Variants in SLC35F4 observed in about 807,000 individuals in gnomAD.
The protein encoded by SLC35F4 is chromosome 14 open reading frame 36.
A neutral mutation model predicts 44.2 loss-of-function variants in SLC35F4; 24 were observed. The observed-to-expected ratio is 0.54, with a 90% CI of 0.39 to 0.76. SLC35F4 has a LOEUF of 0.76. Ranked by LOEUF, SLC35F4 falls within the 30% of genes least tolerant of loss-of-function variation. SLC35F4 has a pLI of 0.00. For synonymous variants in SLC35F4, 238 were observed against 223.6 expected, an observed-to-expected ratio of 1.06 and a Z score of -0.57; for missense variants, 562 against 586.1, an observed-to-expected ratio of 0.96 and a Z score of 0.42.
At chr14:57,631,493 G>A (rs2072771052) in intron 1 of SLC35F4, among the ~76,000 whole-genome samples, 1 of 152,088 alleles carries the variant, frequency 6.6e-6, no homozygotes, top group African/African-American at 2.4e-5. Context: ...CGTGCATAGT[G>A]TAAAAGAACT....
chr14:57,685,107 GC>G (rs1331098915), intron 1 of SLC35F4, among the ~76,000 whole-genome samples: 1 of 152,070 alleles, frequency 6.6e-6, no homozygotes, highest in Non-Finnish European at 1.5e-5. Flanking sequence ...TTTTATCAAT[GC>G]CAGAAGAAGC....
intron 1 of SLC35F4, among the ~76,000 whole-genome samples, chr14:57,925,358 A>G (rs2474016): frequency 0.2 from 30,529 of 151,852 alleles, 3,231 homozygotes; most frequent in East Asian, 0.27. Flanking sequence ...CCAAATAATG[A>G]AGAGTTTTTT....
chr14:57,668,119 G>A lies in SLC35F4; in HGVS notation c.104-73995C>T, dbSNP rs35968546. ...GCATTTTTTCATGTGTCTGTTGGCT[G>A]CATAAATGTCTTCTTTTGAGAAGTG... is the stretch of plus-strand genomic sequence containing the variant. On this transcript the variant is annotated intron_variant, in intron 1 of 7. Transcript: ENST00000556826. 6.3e-3 allele frequency among the ~76,000 whole-genome samples: 947 copies of A among 150,890 alleles called. 7 individuals are homozygous for A. Among genetic ancestry groups the A allele is most frequent in the Admixed American group, 0.011 (165 of 15,168 alleles).
rs114205682 is a variant in SLC35F4, at chr14:57,652,860, G to A, written c.104-58736C>T. Among the ~76,000 whole-genome samples the A allele has an allele frequency of 9.0e-3, 1,369 of 152,330 alleles. 11 individuals carry two copies. Among genetic ancestry groups the A allele is most frequent in the Middle Eastern group, 0.031 (9 of 294 alleles). On this transcript the variant is annotated intron_variant, in intron 1 of 7. Coordinates refer to ENST00000556826, the MANE Select transcript of SLC35F4 (RefSeq NM_001306087.2). ...TGTGAGAGGAAGAGGGAGATGATTT[G>A]TGGATATTGAACCAAAGCTGATGGT...
At chr14:57,853,169 G>T (rs778747414) in intron 1 of SLC35F4, among the ~76,000 whole-genome samples, 4 of 152,156 alleles carry the variant, frequency 2.6e-5, no homozygotes, top group Non-Finnish European at 4.4e-5. Flanking sequence ...AGCTTAACAA[G>T]TAGTCTGCAG....
intron 1 of SLC35F4, among the ~76,000 whole-genome samples, chr14:57,901,279 A>G (rs897335322): frequency 6.6e-6 from 1 of 152,272 alleles, no homozygotes; most frequent in Non-Finnish European, 1.5e-5. Context: ...CTAAATGCCC[A>G]TCAATGATAA....
chr14:57,956,904 C>A lies in SLC35F4; in HGVS notation n.282+25009G>T, dbSNP rs559980140. On this transcript the variant is annotated intron_variant and non_coding_transcript_variant, in intron 1 of 1. Coordinates refer to the SLC35F4 transcript ENST00000556568. ...GTGGCAATCCTCAAGGATCTAGAAC[C>A]AGAAATACCATTTGACCCAGCAATC... Among the ~76,000 whole-genome samples, 22 of 152,138 alleles carry A rather than the reference C, an allele frequency of 1.4e-4. No homozygotes were observed. The South Asian group carries it at 4.6e-3, about 32-fold the overall frequency.
chr14:57,888,477 A>G (rs1888697177), intron 1 of SLC35F4, among the ~76,000 whole-genome samples: 1 of 152,222 alleles, frequency 6.6e-6, no homozygotes, highest in Non-Finnish European at 1.5e-5. Flanking sequence ...GGTAATAACA[A>G]TATGCTGCAC....
intron 1 of SLC35F4, among the ~76,000 whole-genome samples, chr14:57,668,917 G>C (rs542228068): frequency 1.3e-5 from 2 of 152,092 alleles, no homozygotes; most frequent in African/African-American, 4.8e-5. Flanking sequence ...AAATTACCTT[G>C]GGCAGTATGG....
intron 1 of SLC35F4, among the ~76,000 whole-genome samples, chr14:57,863,931 A>C (rs888506479): frequency 3.3e-5 from 5 of 152,210 alleles, no homozygotes; most frequent in African/African-American, 1.2e-4. Context: ...AGCCTTGGCC[A>C]GTGCTCTTCC....
At chr14:57,653,423 T>A (rs1490009558) in intron 1 of SLC35F4, among the ~76,000 whole-genome samples, 1 of 151,986 alleles carries the variant, frequency 6.6e-6, no homozygotes, top group Non-Finnish European at 1.5e-5. Flanking sequence ...AGTAATGGAG[T>A]CTGTGTTATC....
intron 1 of SLC35F4, among the ~76,000 whole-genome samples, chr14:57,723,668 A>T (rs891958501): frequency 6.6e-6 from 1 of 152,252 alleles, no homozygotes; most frequent in Non-Finnish European, 1.5e-5. Flanking sequence ...GGCCCACCGG[A>T]AGTAATGTGC....
intron 1 of SLC35F4, among the ~76,000 whole-genome samples, chr14:57,885,186 C>T (rs1451765356): frequency 6.6e-6 from 1 of 152,112 alleles, no homozygotes; most frequent in Admixed American, 6.6e-5. Context: ...AAAATGCATA[C>T]TCTGGACCTA....
chr14:57,604,165 C>T (rs981298931), intron 1 of SLC35F4: 2 of 152,194 alleles, frequency 1.3e-5, no homozygotes, highest in African/African-American at 4.8e-5. Flanking sequence ...ACCAACATCA[C>T]TTCTCTTCTG....
rs1475400742 is a variant in SLC35F4, at chr14:57,613,157, GCTGT to G, written c.104-19037_104-19034del. Among the ~76,000 whole-genome samples, 4 of 152,312 alleles carry G rather than the reference GCTGT, an allele frequency of 2.6e-5. No individual in the cohort carries two copies. In the East Asian group the frequency reaches 7.7e-4, roughly 29 times the overall value. The stretch of plus-strand genomic sequence containing the variant: ...GAACAACTGCTTACTATCTTGGGAA[GCTGT>G]CTGAGTTTCCTCCTTCTGGATGGAG... On this transcript the variant is annotated intron_variant, in intron 1 of 7. Transcript: ENST00000556826.
At chr14:57,755,005 G>A (rs986537928) in intron 1 of SLC35F4, among the ~76,000 whole-genome samples, 22 of 152,156 alleles carry the variant, frequency 1.4e-4, no homozygotes, top group East Asian at 5.8e-4. Context: ...AAGGGAGCCC[G>A]GGCCCAGCAA....
At chr14:57,595,085 C>T (rs1356157241) in intron 1 of SLC35F4, among the ~76,000 whole-genome samples, 2 of 152,168 alleles carry the variant, frequency 1.3e-5, no homozygotes, top group Non-Finnish European at 2.9e-5. Context: ...CACTAATGTC[C>T]TTTTTCTAGG....
chr14:57,580,598 G>A, intron 4 of SLC35F4: 1 of 297,696 alleles, frequency 3.4e-6, no homozygotes, highest in Non-Finnish European at 6.6e-6. Flanking sequence ...TATTACTCCT[G>A]AAAGGAATAA....
chr14:57,696,016 A>T (rs2075373533), intron 1 of SLC35F4, among the ~76,000 whole-genome samples: 1 of 152,200 alleles, frequency 6.6e-6, no homozygotes, highest in Non-Finnish European at 1.5e-5. Context: ...TTCAGGACAT[A>T]GGCATGGGCA....
Sources: gnomAD v4.1 joint callset for allele counts (sites outside exome capture counted in the v4.1 genomes callset) on GRCh38, gnomAD v4.1.1 for gene constraint, MANE v1.5 for transcripts, NCBI Gene and HGNC (gene_info 2026-07-23, HGNC 2026-07-21) for gene names.